Variants in CCDC181 observed in about 807,000 individuals in gnomAD.
CCDC181 encodes the protein coiled-coil domain-containing protein 181.
A neutral mutation model predicts 58.7 loss-of-function variants in CCDC181; 35 were observed. The observed-to-expected ratio is 0.60, with a 90% confidence interval of 0.46 to 0.79. The LOEUF (loss-of-function observed/expected upper bound fraction) is 0.79, where lower values mean the gene tolerates loss of function less well. Among genes scored for constraint, CCDC181 ranks in the 30% least tolerant of loss-of-function variants. The pLI, the probability that CCDC181 is intolerant of heterozygous loss-of-function variation, is 0.00. For synonymous variants in CCDC181, 183 were observed against 197.5 expected, an observed-to-expected ratio of 0.93 and a Z score of 0.62; for missense variants, 517 against 583.9, an observed-to-expected ratio of 0.89 and a Z score of 1.18.
intron 2 of CCDC181, among the ~76,000 whole-genome samples, chr1:169,422,973 C>T (rs183438823): frequency 8.9e-4 from 133 of 150,200 alleles, no homozygotes; most frequent in Admixed American, 1.4e-3. Context: ...AGTATCAGTG[C>T]AGCACAAAAC....
chr1:169,413,657 G>A (rs187945138), intron 4 of CCDC181, among the ~76,000 whole-genome samples: 2 of 152,214 alleles, frequency 1.3e-5, no homozygotes, highest in East Asian at 3.9e-4. Context: ...AAGAAAATGT[G>A]GCAGTTATAT....
At chr1:169,454,213 A>T (rs1162880755) in intron 2 of CCDC181, among the ~76,000 whole-genome samples, 1 of 152,016 alleles carries the variant, frequency 6.6e-6, no homozygotes, top group Non-Finnish European at 1.5e-5. Context: ...TGAAATCTAT[A>T]TTTCAACACT....
Position 169,401,892 on chromosome 1 carries a change from A to C in CCDC181, c.1216-4501T>G, listed in dbSNP as rs1196281351. The stretch of plus-strand genomic sequence containing the variant: ...AGGATGTTTGAACCCATCGCAAAGA[A>C]GCTAAAAACCTTGAAAAAAAGATTA... On this transcript the variant is annotated intron_variant, in intron 4 of 5. Coordinates refer to ENST00000367806, the MANE Select transcript of CCDC181 (RefSeq NM_001300969.2). 2.0e-5 allele frequency among the ~76,000 whole-genome samples: 3 copies of C among 152,178 alleles called. No individual in the cohort carries two copies. The East Asian group carries it at 5.8e-4, about 29-fold the overall frequency.
intron 4 of CCDC181, among the ~76,000 whole-genome samples, chr1:169,413,039 T>G (rs1426950796): frequency 6.6e-6 from 1 of 152,034 alleles, no homozygotes; most frequent in African/African-American, 2.4e-5. Flanking sequence ...CTAATTAAAC[T>G]AAAGAGCTTC....
At chr1:169,435,731 A>G (rs866720993) in intron 2 of CCDC181, among the ~76,000 whole-genome samples, 2 of 152,204 alleles carry the variant, frequency 1.3e-5, no homozygotes, top group South Asian at 2.1e-4. Context: ...ATCTTTATTG[A>G]TATTCCAAAA....
intron 2 of CCDC181, among the ~76,000 whole-genome samples, chr1:169,450,169 A>C (rs183322218): frequency 6.6e-6 from 1 of 152,326 alleles, no homozygotes; most frequent in African/African-American, 2.4e-5. Flanking sequence ...GTGAAACAGA[A>C]GGGCTCAAGA....
chr1:169,457,966 A>T (rs1178055396), intron 2 of CCDC181, among the ~76,000 whole-genome samples: 3 of 152,098 alleles, frequency 2.0e-5, no homozygotes, highest in Non-Finnish European at 4.4e-5. Context: ...TAGTTTGAAC[A>T]AATTGTATTG....
intron 2 of CCDC181, among the ~76,000 whole-genome samples, chr1:169,437,144 A>C (rs140691006): frequency 1.3e-5 from 2 of 152,288 alleles, no homozygotes; most frequent in East Asian, 3.9e-4. Flanking sequence ...AGATGTAATC[A>C]TAGGGAGTCG....
chr1:169,434,867 C>T (rs1657012653), intron 2 of CCDC181, among the ~76,000 whole-genome samples: 1 of 152,106 alleles, frequency 6.6e-6, no homozygotes, highest in East Asian at 1.9e-4. Context: ...TGTCATTCCA[C>T]TTATATAAAG....
chr1:169,438,180 T>G (rs1385196685), intron 2 of CCDC181, among the ~76,000 whole-genome samples: 1 of 147,912 alleles, frequency 6.8e-6, no homozygotes, highest in Non-Finnish European at 1.5e-5. Context: ...TGCTACAGCC[T>G]AAGACTAGCC....
At chr1:169,397,122 G>A (rs913653525) in intron 5 of CCDC181, 115 bp downstream of exon 5, 20 of 802,096 alleles carry the variant, frequency 2.5e-5, no homozygotes, top group Middle Eastern at 3.8e-4. Context: ...GAATAGGTAC[G>A]TGCTGTAAGA....
chr1:169,447,171 G>T (rs374175353), intron 2 of CCDC181, among the ~76,000 whole-genome samples: 43 of 152,192 alleles, frequency 2.8e-4, no homozygotes, highest in African/African-American at 9.9e-4. Context: ...GGAGTACAGT[G>T]ATGCAATCTT....
intron 4 of CCDC181, among the ~76,000 whole-genome samples, chr1:169,402,937 A>G (rs1655434524): frequency 6.6e-6 from 1 of 152,266 alleles, no homozygotes; most frequent in African/African-American, 2.4e-5. Flanking sequence ...CATAGGCTCA[A>G]AATAAAGGGA....
chr1:169,415,487 T>G (rs1425989850), intron 4 of CCDC181, among the ~76,000 whole-genome samples: 1 of 152,212 alleles, frequency 6.6e-6, no homozygotes, highest in Non-Finnish European at 1.5e-5. Context: ...ATTTCCTATC[T>G]TATGCAAATT....
At chr1:169,403,410 G>A (rs992141329) in intron 4 of CCDC181, among the ~76,000 whole-genome samples, 2 of 152,224 alleles carry the variant, frequency 1.3e-5, no homozygotes, top group Non-Finnish European at 2.9e-5. Flanking sequence ...ATAGGTGAAA[G>A]TAAAGCACTC....
intron 2 of CCDC181, among the ~76,000 whole-genome samples, chr1:169,451,627 C>T (rs1418854708): frequency 2.6e-5 from 4 of 151,980 alleles, no homozygotes; most frequent in African/African-American, 4.8e-5. Context: ...AGTTCTGTTT[C>T]AGACTCTACC....
chr1:169,395,362 A>T (rs1654958065), intron 5 of CCDC181, among the ~76,000 whole-genome samples, 156 bp from the exon 6 acceptor site: 1 of 152,234 alleles, frequency 6.6e-6, no homozygotes, highest in Non-Finnish European at 1.5e-5. Flanking sequence ...AAATGTAAAG[A>T]TTACACCCAA....
intron 4 of CCDC181, among the ~76,000 whole-genome samples, chr1:169,405,506 A>C (rs989906655): frequency 6.6e-6 from 1 of 152,220 alleles, no homozygotes; most frequent in African/African-American, 2.4e-5. Flanking sequence ...AATACCACAT[A>C]TCTACAACCA....
chr1:169,434,475 T>G (rs1431457824), intron 2 of CCDC181, among the ~76,000 whole-genome samples: 1 of 152,004 alleles, frequency 6.6e-6, no homozygotes, highest in Non-Finnish European at 1.5e-5. Context: ...AAAAAAATAT[T>G]TGTACAGTCA....
Sources: gnomAD v4.1 joint callset for allele counts (sites outside exome capture counted in the v4.1 genomes callset) on GRCh38, gnomAD v4.1.1 for gene constraint, MANE v1.5 for transcripts, NCBI Gene and HGNC (gene_info 2026-07-23, HGNC 2026-07-21) for gene names.